SCN7A: variants seen among roughly 807,000 people sequenced by gnomAD.
SCN7A encodes sodium voltage-gated channel alpha subunit 7, also known as sodium channel protein type 7 subunit alpha.
A neutral mutation model predicts 155.2 loss-of-function variants in SCN7A; 138 were observed. That is an observed-to-expected ratio of 0.89 (90% CI 0.77 to 1.02). The LOEUF is 1.02. SCN7A is among the 50% of genes least tolerant of loss of function. The probability of loss-of-function intolerance (pLI) is 0.00; values close to 1 mark genes in which losing one functional copy is unlikely to be tolerated. For synonymous variants in SCN7A, 693 were observed against 649.0 expected (o/e 1.07, Z -1.03); for missense variants, 2,058 against 1,986.6 (o/e 1.04, Z -0.68).
rs1416952087 is a variant in SCN7A, at chr2:166,446,575, G to A, written c.1387+1037C>T. Among the ~76,000 whole-genome samples, 4 of 152,132 alleles carry A rather than the reference G, an allele frequency of 2.6e-5. No homozygotes were observed. In the South Asian group the frequency reaches 8.3e-4, roughly 31 times the overall value. ...ACCATAAAGACACATGCACACGTAT[G>A]TTCATTGCAGCGCTATTCACAATAG... is the stretch of plus-strand genomic sequence containing the variant. On this transcript the variant is annotated intron_variant, in intron 12 of 25. Transcript: ENST00000643258.
chr2:166,451,823 G>A (rs549006813), intron 11 of SCN7A, among the ~76,000 whole-genome samples: 1 of 152,086 alleles, frequency 6.6e-6, no homozygotes, highest in Non-Finnish European at 1.5e-5. Flanking sequence ...ATTTATTAAA[G>A]CAGAGAATAA....
chr2:166,490,719 G>C (rs143973493), intron 1 of SCN7A, among the ~76,000 whole-genome samples: 69 of 152,170 alleles, frequency 4.5e-4, no homozygotes, highest in African/African-American at 1.5e-3. Context: ...TGAAACCCTG[G>C]AGGCTTCTTA....
chr2:166,428,796 T>C (rs1701674489), intron 17 of SCN7A, among the ~76,000 whole-genome samples: 1 of 152,066 alleles, frequency 6.6e-6, no homozygotes, highest in Non-Finnish European at 1.5e-5. Flanking sequence ...TTTATACTAG[T>C]AGCTATACCA....
At chr2:166,466,588 C>T (rs995714361) in intron 7 of SCN7A, among the ~76,000 whole-genome samples, 1 of 151,888 alleles carries the variant, frequency 6.6e-6, no homozygotes, top group Non-Finnish European at 1.5e-5. Flanking sequence ...AAGTAGAAAA[C>T]AAGAAAAAAC....
chr2:166,448,754 T>C (rs16852144), intron 11 of SCN7A, among the ~76,000 whole-genome samples: 2,365 of 152,312 alleles, frequency 0.016, 75 homozygotes, highest in East Asian at 0.12. Context: ...ATTCAATATA[T>C]AGTTTAGGAT....
At chr2:166,456,813 T>C in intron 11 of SCN7A, 57 bp downstream of exon 11, 2 of 316,332 alleles carry the variant, frequency 6.3e-6, no homozygotes, top group Non-Finnish European at 4.8e-6. Flanking sequence ...AATATATATA[T>C]ATATATATAT....
intron 1 of SCN7A, among the ~76,000 whole-genome samples, chr2:166,492,947 A>T (rs1683146080): frequency 6.6e-6 from 1 of 152,216 alleles, no homozygotes; most frequent in South Asian, 2.1e-4. Flanking sequence ...GTAGTTCTAA[A>T]TCCCAAAGAC....
chr2:166,454,612 C>T (rs914886784), intron 11 of SCN7A, among the ~76,000 whole-genome samples: 7 of 152,116 alleles, frequency 4.6e-5, no homozygotes, highest in Non-Finnish European at 1.0e-4. Flanking sequence ...GAGTGTATCT[C>T]GGCCCTTCAC....
At chr2:166,456,458 T>C (rs1194051349) in intron 11 of SCN7A, among the ~76,000 whole-genome samples, 2 of 151,720 alleles carry the variant, frequency 1.3e-5, no homozygotes, top group Non-Finnish European at 2.9e-5. Flanking sequence ...CATAGAAAAA[T>C]AAAAGAACAC....
chr2:166,460,149 G>T (rs549063853), intron 10 of SCN7A, among the ~76,000 whole-genome samples: 7 of 152,188 alleles, frequency 4.6e-5, no homozygotes, highest in African/African-American at 1.7e-4. Context: ...CAAAAACTTG[G>T]AGTACAATAA....
chr2:166,476,320 C>T (rs1702796294), intron 3 of SCN7A, among the ~76,000 whole-genome samples: 1 of 151,834 alleles, frequency 6.6e-6, no homozygotes, highest in Non-Finnish European at 1.5e-5. Flanking sequence ...GAATGTGGTG[C>T]AATTCCTTGT....
chr2:166,489,458 G>A (rs955848745), intron 1 of SCN7A, among the ~76,000 whole-genome samples: 1 of 152,110 alleles, frequency 6.6e-6, no homozygotes, highest in Admixed American at 6.5e-5. Flanking sequence ...GCCCAGATAT[G>A]GAAAATTTGC....
chr2:166,414,283 TATAC>T (rs1559088809), intron 21 of SCN7A, among the ~76,000 whole-genome samples: 29 of 29,878 alleles, frequency 9.7e-4, no homozygotes, highest in Non-Finnish European at 1.4e-3. Context: ...TATATATATA[TATAC>T]ACACACATAT....
At chr2:166,458,608 A>G (rs1464721874) in intron 10 of SCN7A, among the ~76,000 whole-genome samples, 1 of 152,216 alleles carries the variant, frequency 6.6e-6, no homozygotes, top group Non-Finnish European at 1.5e-5. Flanking sequence ...TGTTCTATAT[A>G]GGCATATCAA....
Position 166,432,714 on chromosome 2 carries a change from A to C in SCN7A, c.2196T>G (p.Ser732Arg). The change falls in exon 16 of 26, where the codon AGT (serine) becomes AGG (arginine). Residue 732 changes from serine to arginine, a missense_variant. Ser to Arg is a moderately radical substitution (Grantham distance 110). Coordinates refer to ENST00000643258, the MANE Select transcript of SCN7A (RefSeq NM_002976.4). ...CTTCAGCTGTTACATCCTTGCATGA[A>C]CTAAATGAGCTCACCAATGCCAGAA... ...YLFLALVSSFSSCKDVTAEEN... is the reference protein window; with the variant it reads ...YLFLALVSSFRSCKDVTAEEN... The C allele has an allele frequency of 6.4e-7, 1 of 1,572,474 alleles. No individual in the cohort carries two copies. Among genetic ancestry groups the C allele is most frequent in the South Asian group, 1.2e-5 (1 of 82,522 alleles).
At chr2:166,461,983 G>A (rs944912136) in intron 10 of SCN7A, 1 of 156,948 alleles carries the variant, frequency 6.4e-6, no homozygotes, top group Non-Finnish European at 1.4e-5. Context: ...TAGCTACTCG[G>A]GAGGCTGAGG....
intron 20 of SCN7A, among the ~76,000 whole-genome samples, chr2:166,418,783 G>T (rs1201282209): frequency 6.6e-6 from 1 of 152,122 alleles, no homozygotes; most frequent in African/African-American, 2.4e-5. Context: ...GGATATAGTT[G>T]ACACATATAT....
chr2:166,465,530 T>C lies in SCN7A; in HGVS notation c.873A>G (p.Glu291=), dbSNP rs1478486933. Residue 291 remains glutamate, a splice_region_variant and synonymous_variant, in exon 9 of 26, where the codon GAA becomes GAG. Coordinates refer to ENST00000643258, the MANE Select transcript of SCN7A (RefSeq NM_002976.4). The part of the protein sequence containing the change: ...NRTGNPYYIR[E]TENFYYLEGE... ...CTTCCAAATAATAAAAGTTTTCTGT[T>C]TCTGAAAAACAGGCAAGAAATGATA... 1 of 1,592,196 alleles carries C rather than the reference T, an allele frequency of 6.3e-7. No homozygotes were observed. Among genetic ancestry groups the C allele is most frequent in the Admixed American group, 1.7e-5 (1 of 57,276 alleles).
At chr2:166,480,319 G>A (rs1040155240) in intron 2 of SCN7A, among the ~76,000 whole-genome samples, 3 of 151,982 alleles carry the variant, frequency 2.0e-5, no homozygotes, top group East Asian at 1.9e-4. Flanking sequence ...TTAGCCTGGC[G>A]TGGTGGCGGG....
Sources: allele counts gnomAD v4.1 joint callset (sites outside exome capture counted in the v4.1 genomes callset), GRCh38; gene constraint gnomAD v4.1.1; transcripts MANE v1.5; gene names NCBI Gene and HGNC (gene_info 2026-07-23, HGNC 2026-07-21).